Variants in CYP2J2 observed in about 807,000 individuals in gnomAD.
CYP2J2 encodes cytochrome P450 2J2.
CYP2J2 carries 41 observed loss-of-function variants against 48.8 expected under a neutral mutation model. That is an observed-to-expected ratio of 0.84 (90% CI 0.66 to 1.09). CYP2J2 has a LOEUF of 1.09. Among genes scored for constraint, CYP2J2 ranks in the 50% least tolerant of loss-of-function variants. CYP2J2 has a pLI of 0.00. For missense variants in CYP2J2, 644 were observed against 617.3 expected, an observed-to-expected ratio of 1.04 and a Z score of -0.46; for synonymous variants, 221 against 227.1, an observed-to-expected ratio of 0.97 and a Z score of 0.24.
intron 7 of CYP2J2, 147 bp downstream of exon 7, chr1:59,904,724 T>G (rs1208402832): frequency 7.5e-6 from 5 of 665,614 alleles, no homozygotes; most frequent in Non-Finnish European, 1.2e-5. Flanking sequence ...AGTTGAAGAC[T>G]ACACATGGAG....
the CYP2J2 span, among the ~76,000 whole-genome samples, chr1:59,938,291 C>G: frequency 6.6e-6 from 1 of 152,134 alleles, no homozygotes; most frequent in African/African-American, 2.4e-5. Context: ...GCTCAGCATG[C>G]GGAGGACCTG....
At position 59,911,672 on chromosome 1, in the gene CYP2J2, C is replaced by A. The variant is rs1644415618; in HGVS notation, c.620G>T (p.Trp207Leu). The A allele has an allele frequency of 1.2e-6, 2 of 1,613,378 alleles. No individual in the cohort carries two copies. Among genetic ancestry groups the A allele is most frequent in the Non-Finnish European group, 1.7e-6 (2 of 1,179,518 alleles). Residue 207 changes from tryptophan to leucine, a missense_variant, in exon 4 of 9, where the codon TGG becomes TTG. Coordinates refer to ENST00000371204, the MANE Select transcript of CYP2J2 (RefSeq NM_000775.4). ...TAGTAACTTCAGCAGCTGCTGAAAC[C>A]AACTATCCTGGTACTCAAAGCGTTC... ...FGERFEYQDS[W>L]FQQLLKLLDE... is the part of the protein sequence containing the mutation.
At chr1:59,952,805 T>C in the CYP2J2 span, among the ~76,000 whole-genome samples, 2 of 152,180 alleles carry the variant, frequency 1.3e-5, no homozygotes, top group Non-Finnish European at 2.9e-5. Context: ...ATAGAAGCAC[T>C]GGAGATATAG....
At chr1:59,911,852 GA>G in intron 3 of CYP2J2, 84 bp from the exon 4 acceptor site, 11 of 1,354,006 alleles carry the variant, frequency 8.1e-6, no homozygotes, top group Non-Finnish European at 1.1e-5. Flanking sequence ...CATGGCATAA[GA>G]CATACCTAGT....
chr1:59,929,138 G>A (rs968984398), upstream of CYP2J2, among the ~76,000 whole-genome samples: 11 of 152,198 alleles, frequency 7.2e-5, no homozygotes, highest in Non-Finnish European at 1.5e-4. Flanking sequence ...AACCAATGTC[G>A]TTGTATTGTG....
chr1:59,901,602 G>T (rs914289239), intron 7 of CYP2J2, among the ~76,000 whole-genome samples: 4 of 152,136 alleles, frequency 2.6e-5, no homozygotes, highest in African/African-American at 9.7e-5. Context: ...TTTAGTAATA[G>T]AATCAGGTAG....
chr1:59,936,170 C>G, the CYP2J2 span, among the ~76,000 whole-genome samples: 66 of 152,256 alleles, frequency 4.3e-4, no homozygotes, highest in African/African-American at 1.4e-3. Context: ...TCACTAAATT[C>G]TTAGAACAGA....
At chr1:59,933,907 C>T in the CYP2J2 span, among the ~76,000 whole-genome samples, 7 of 152,046 alleles carry the variant, frequency 4.6e-5, no homozygotes, top group African/African-American at 1.7e-4. Flanking sequence ...TTATATGGAC[C>T]TACAAAAGAC....
chr1:59,968,138 A>C, the CYP2J2 span, among the ~76,000 whole-genome samples: 1 of 152,204 alleles, frequency 6.6e-6, no homozygotes, highest in Non-Finnish European at 1.5e-5. Flanking sequence ...GGCTTATTTG[A>C]AACCATTCTA....
intron 1 of CYP2J2, among the ~76,000 whole-genome samples, chr1:59,917,306 G>T (rs1341310642): frequency 2.0e-5 from 3 of 152,140 alleles, no homozygotes; most frequent in African/African-American, 7.2e-5. Flanking sequence ...TGGCAAAGGG[G>T]ACAGGAACCC....
the CYP2J2 span, among the ~76,000 whole-genome samples, chr1:59,946,562 CTA>C: frequency 2.0e-5 from 3 of 152,158 alleles, no homozygotes; most frequent in African/African-American, 7.2e-5. Context: ...TTGTTCACTG[CTA>C]TGTCGCCAAT....
the CYP2J2 span, among the ~76,000 whole-genome samples, chr1:59,944,584 G>A: frequency 6.6e-6 from 1 of 152,098 alleles, no homozygotes; most frequent in Non-Finnish European, 1.5e-5. Context: ...GGGCAAAAGG[G>A]TATTTTCATT....
the CYP2J2 span, among the ~76,000 whole-genome samples, chr1:59,967,462 G>A: frequency 6.6e-6 from 1 of 152,346 alleles, no homozygotes; most frequent in South Asian, 2.1e-4. Context: ...AGCAGGGACA[G>A]GGATTCTGTT....
rs370073316 is a variant in CYP2J2, at chr1:59,909,774, G to A, written c.861+10C>T. The A allele has an allele frequency of 8.9e-5, 140 of 1,564,388 alleles. No individual in the cohort carries two copies. In the African/African-American group the frequency reaches 1.7e-3, roughly 20 times the overall value. ...AAGAACAAAATACAAAATGACTTTGGTTTTCTCACCTTTGACATTTCTTTA... is the reference window on the plus strand; with the variant it reads ...AAGAACAAAATACAAAATGACTTTGATTTTCTCACCTTTGACATTTCTTTA... On this transcript the variant is annotated intron_variant, in intron 5 of 8. Transcript: ENST00000371204.
the CYP2J2 span, among the ~76,000 whole-genome samples, chr1:59,958,765 G>T: frequency 6.6e-6 from 1 of 152,080 alleles, no homozygotes; most frequent in Non-Finnish European, 1.5e-5. Context: ...TTACCGTCAA[G>T]AATCTGATCT....
the CYP2J2 span, among the ~76,000 whole-genome samples, chr1:59,941,766 TAAAA>T: frequency 1.4e-5 from 2 of 146,610 alleles, no homozygotes; most frequent in African/African-American, 2.6e-5. Context: ...TTAAAAAAAA[TAAAA>T]AATAGAAAAA....
intron 8 of CYP2J2, among the ~76,000 whole-genome samples, chr1:59,896,281 A>T (rs1644267935): frequency 6.7e-6 from 1 of 149,186 alleles, no homozygotes; most frequent in Non-Finnish European, 1.5e-5. Context: ...TATGTCCAAA[A>T]GTGTGTGTGT....
chr1:59,955,292 CCAT>C, the CYP2J2 span, among the ~76,000 whole-genome samples: 1 of 112,508 alleles, frequency 8.9e-6, no homozygotes, highest in Non-Finnish European at 1.7e-5. Context: ...ATATATATAT[CCAT>C]ATATATATAT....
the CYP2J2 span, among the ~76,000 whole-genome samples, chr1:59,948,296 A>T: frequency 1.3e-5 from 2 of 152,166 alleles, no homozygotes; most frequent in South Asian, 4.1e-4. Flanking sequence ...TATGTCCAAA[A>T]ACTCACAGTA....
Sources: gnomAD v4.1 joint callset for allele counts (sites outside exome capture counted in the v4.1 genomes callset) on GRCh38, gnomAD v4.1.1 for gene constraint, MANE v1.5 for transcripts, NCBI Gene and HGNC (gene_info 2026-07-23, HGNC 2026-07-21) for gene names.